MYH13: variants seen among roughly 807,000 people sequenced by gnomAD.
MYH13 encodes myosin-13.
MYH13 carries 177 observed loss-of-function variants against 232.1 expected under a neutral mutation model. The observed-to-expected ratio is 0.76, with a 90% CI of 0.67 to 0.86. MYH13 has a LOEUF of 0.86. Ranked by LOEUF, MYH13 falls within the 40% of genes least tolerant of loss-of-function variation. The pLI is 0.00. For synonymous variants in MYH13, 884 were observed against 923.5 expected, an observed-to-expected ratio of 0.96 and a Z score of 0.78; for missense variants, 2,246 against 2,405.9, an observed-to-expected ratio of 0.93 and a Z score of 1.39.
In MYH13 at chr17:10,327,940, G is replaced by A. The variant is rs1907271990; in HGVS notation, c.2617C>T (p.Arg873Cys). 6.2e-7 allele frequency: 1 copy of A among 1,613,806 alleles called. No individual in the cohort carries two copies. Among genetic ancestry groups the A allele is most frequent in the South Asian group, 1.1e-5 (1 of 91,032 alleles). ...ATTTTCTCCTCCAGCTCCTTCCGGC[G>A]AGCCTCAGATCGGGCCAGTTCTTCC... ...TKEELARSEA[R>C]RKELEEKMVS... Residue 873 changes from arginine to cysteine, a missense_variant, in exon 22 of 41, where the codon CGC becomes TGC. Arg to Cys is a radical substitution (Grantham distance 180). Transcript: ENST00000252172.
chr17:10,357,868 G>A, intron 7 of MYH13, 41 bp from the exon 8 acceptor site: 1 of 1,553,296 alleles, frequency 6.4e-7, no homozygotes, highest in Non-Finnish European at 8.9e-7. Context: ...ACTTTGGATG[G>A]TTTTCTAAAG....
At position 10,313,350 on chromosome 17, in the gene MYH13, T is replaced by G; in HGVS notation, c.3989A>C (p.Lys1330Thr). Residue 1330 changes from lysine (K) to threonine (T), a missense_variant, in exon 30 of 41, where the codon AAG becomes ACG. Transcript: ENST00000252172. ...KRQMEEETKAKNAMAHALQSS... is the reference protein window; with the variant it reads ...KRQMEEETKATNAMAHALQSS... ...CTGCAGGGCGTGCGCCATGGCGTTCTTGGCCTGGGAATGACAGCGGTGACA... is the reference window on the plus strand; with the variant it reads ...CTGCAGGGCGTGCGCCATGGCGTTCGTGGCCTGGGAATGACAGCGGTGACA... 1.2e-6 allele frequency: 2 copies of G among 1,614,254 alleles called. No individual in the cohort carries two copies. The highest frequency in any genetic ancestry group is 1.7e-6 in the Non-Finnish European group (2 of 1,180,046).
In MYH13 at chr17:10,320,398, A is replaced by C. The variant is rs767514797; in HGVS notation, c.3210T>G (p.Ile1070Met). The change falls in exon 25 of 41, where the codon ATT becomes ATG. Residue 1070 changes from isoleucine to methionine, a missense_variant. Ile to Met is a conservative substitution (Grantham distance 10). Coordinates refer to ENST00000252172, the MANE Select transcript of MYH13 (RefSeq NM_003802.3). The stretch of plus-strand genomic sequence containing the variant: ...GCTGCTTGTCATTTTCTAGATCCAT[A>C]ATGGATTCCTGGGACATTTTCAGAT... ...EGDLKMSQES[I>M]MDLENDKQQI... The C allele has an allele frequency of 1.2e-6, 2 of 1,613,040 alleles. No individual in the cohort carries two copies. Among genetic ancestry groups the C allele is most frequent in the Non-Finnish European group, 1.7e-6 (2 of 1,179,428 alleles).
chr17:10,327,277 A>T (rs1907248070), intron 22 of MYH13, among the ~76,000 whole-genome samples: 1 of 151,552 alleles, frequency 6.6e-6, no homozygotes, highest in African/African-American at 2.4e-5. Flanking sequence ...CTGGGATTAC[A>T]GGCGTGAGCC....
chr17:10,350,937 T>A, intron 11 of MYH13: 1 of 513,412 alleles, frequency 1.9e-6, no homozygotes, highest in East Asian at 4.9e-5. Flanking sequence ...AAGAACTGAT[T>A]ACAGTCGGGC....
At position 10,312,554 on chromosome 17, in the gene MYH13, G is replaced by A; in HGVS notation, c.4365+20C>T. The stretch of plus-strand genomic sequence containing the variant: ...ATTATCCTCATGCCATCTTCACAAA[G>A]AAAGCGGCTGGGGAAGGACCTTGTC... On this transcript the variant is annotated intron_variant, in intron 31 of 40. Transcript: ENST00000252172. 1 of 1,601,068 alleles carries A rather than the reference G, an allele frequency of 6.2e-7. No individual in the cohort carries two copies. Among genetic ancestry groups the A allele is most frequent in the Non-Finnish European group, 8.5e-7 (1 of 1,173,732 alleles).
chr17:10,306,300 G>A lies in MYH13; in HGVS notation c.5466+159C>T, dbSNP rs1906283809. 6.6e-6 allele frequency among the ~76,000 whole-genome samples: 1 copy of A among 150,504 alleles called. No individual in the cohort carries two copies. Among genetic ancestry groups the A allele is most frequent in the Non-Finnish European group, 1.5e-5 (1 of 67,628 alleles). On this transcript the variant is annotated intron_variant, in intron 37 of 40. Transcript: ENST00000252172. This position sits in a 1 kb window ranked among gnomAD's most constrained non-coding sequence, Gnocchi z 4.3. ...GGCATAGGAACAGGTGAAACAGAAAGAGGTGAGAAATGAAGCTCACAGGGA... is the reference window on the plus strand; with the variant it reads ...GGCATAGGAACAGGTGAAACAGAAAAAGGTGAGAAATGAAGCTCACAGGGA...
chr17:10,313,739 A>T (rs1402990482), intron 29 of MYH13, among the ~76,000 whole-genome samples: 1 of 152,216 alleles, frequency 6.6e-6, no homozygotes, highest in Non-Finnish European at 1.5e-5. Flanking sequence ...ATGCTAAGGA[A>T]GTGTGGTTCA....
chr17:10,310,094 G>GTTTTTT (rs61271828), intron 33 of MYH13, among the ~76,000 whole-genome samples: 2 of 132,078 alleles, frequency 1.5e-5, no homozygotes, highest in African/African-American at 5.6e-5. Context: ...TAGGTTTTGT[G>GTTTTTT]TTTTTTTTTT....
Position 10,360,195 on chromosome 17 carries a change from A to G in MYH13, c.506-7T>C. The stretch of plus-strand genomic sequence containing the variant: ...ATAGACTGGTTGTCTCGATCTAGAA[A>G]TGCAGAGGGAAGCAAAACAAAACAA... On this transcript the variant is annotated splice_polypyrimidine_tract_variant and splice_region_variant and intron_variant, in intron 5 of 40. Transcript: ENST00000252172. 1 of 1,613,090 alleles carries G rather than the reference A, an allele frequency of 6.2e-7. No individual in the cohort carries two copies.
Position 10,355,133 on chromosome 17 carries a change from C to T in MYH13, c.753G>A (p.Arg251=). Residue 251 remains arginine (R), a synonymous_variant, in exon 9 of 41, where the codon CGG becomes CGA. Transcript: ENST00000252172. ...GCTTTCCTGTGGCTCCAAAATGAAT[C>T]CGAATGAACTTCCCCTGTCCAATAA... ...DNSSRFGKFI[R]IHFGATGKLA... The T allele has an allele frequency of 6.3e-7, 1 of 1,580,516 alleles. No individual in the cohort carries two copies. The highest frequency in any genetic ancestry group is 1.2e-5 in the South Asian group (1 of 86,882).
At chr17:10,333,440 T>C (rs570895609) in intron 18 of MYH13, among the ~76,000 whole-genome samples, 75 of 152,326 alleles carry the variant, frequency 4.9e-4, no homozygotes, top group African/African-American at 1.7e-3. Context: ...AGCCAAAGCA[T>C]TGTGCTTTCT....
rs34897846 is a variant in MYH13, at chr17:10,308,411, C to CTATA, written c.5169+819_5169+822dup. Among the ~76,000 whole-genome samples the CTATA allele has an allele frequency of 1.2e-3, 166 of 136,834 alleles. 1 individual carries two copies. In the East Asian group the frequency reaches 0.019, roughly 16 times the overall value. 89.8% of individuals were successfully genotyped at this position (136,834 alleles called of 152,430 possible). A position where few individuals can be genotyped will look rare whatever the true frequency, so the allele number is the denominator to read the frequency against. On this transcript the variant is annotated intron_variant, in intron 35 of 40. Coordinates refer to ENST00000252172, the MANE Select transcript of MYH13 (RefSeq NM_003802.3). ...TTGCAAAAGATTGCTCATACTTTGA[C>CTATA]TATATATATATGTATTTATTTTTAA...
intron 2 of MYH13, among the ~76,000 whole-genome samples, chr17:10,367,343 A>C (rs1337673000): frequency 4.6e-5 from 7 of 152,278 alleles, no homozygotes; most frequent in Admixed American, 4.6e-4. Context: ...CATTAACATA[A>C]ACATTTTATT....
At chr17:10,359,929 T>A in intron 7 of MYH13, 31 bp downstream of exon 7, 1 of 1,570,996 alleles carries the variant, frequency 6.4e-7, no homozygotes, top group African/African-American at 1.4e-5. Flanking sequence ...CTTATTCCAG[T>A]AAGCCTCCGG....
At chr17:10,303,859 T>G (rs1425624020) in intron 37 of MYH13, among the ~76,000 whole-genome samples, 3 of 152,194 alleles carry the variant, frequency 2.0e-5, no homozygotes, top group African/African-American at 7.2e-5. Context: ...TAGCAAAGCC[T>G]TGGAACCAAC....
At chr17:10,349,486 C>T (rs2071693460) in intron 12 of MYH13, among the ~76,000 whole-genome samples, 1 of 151,850 alleles carries the variant, frequency 6.6e-6, no homozygotes, top group Admixed American at 6.6e-5. Context: ...GTCAGTGCCC[C>T]TTCTATCAGG....
Position 10,320,380 on chromosome 17 carries a change from G to C in MYH13, c.3228C>G (p.Asp1076Glu). The change falls in exon 25 of 41, where the codon GAC (aspartate) becomes GAG (glutamate). Residue 1076 changes from aspartate (D) to glutamate (E), a missense_variant. Transcript: ENST00000252172. The stretch of plus-strand genomic sequence containing the variant: ...TCAATTTCTCTTCTATTTGCTGCTT[G>C]TCATTTTCTAGATCCATAATGGATT... ...SQESIMDLEN[D>E]KQQIEEKLKK... The C allele has an allele frequency of 1.2e-6, 2 of 1,611,870 alleles. No individual in the cohort carries two copies. Among genetic ancestry groups the C allele is most frequent in the Non-Finnish European group, 1.7e-6 (2 of 1,178,926 alleles).
At chr17:10,359,901 T>G in intron 7 of MYH13, 59 bp downstream of exon 7, 1 of 1,479,698 alleles carries the variant, frequency 6.8e-7, no homozygotes. Flanking sequence ...TTGGTGCTCA[T>G]CCACGCTTTA....
Sources: gnomAD v4.1 joint callset for allele counts (sites outside exome capture counted in the v4.1 genomes callset) on GRCh38, gnomAD v4.1.1 for gene constraint, Gnocchi (gnomAD v3.1) non-coding constraint, MANE v1.5 for transcripts, NCBI Gene and HGNC (gene_info 2026-07-23, HGNC 2026-07-21) for gene names.